Variants in PHLDB2 observed in about 807,000 individuals in gnomAD.
PHLDB2 encodes pleckstrin homology-like domain family B member 2.
PHLDB2 carries 71 observed loss-of-function variants against 123.6 expected under a neutral mutation model. The ratio of observed to expected loss-of-function variants is 0.57; its 90% CI spans 0.47 to 0.70. The LOEUF (loss-of-function observed/expected upper bound fraction) is 0.70, where lower values mean the gene tolerates loss of function less well. Ranked by LOEUF, PHLDB2 falls within the 30% of genes least tolerant of loss-of-function variation. The pLI, the probability that PHLDB2 is intolerant of heterozygous loss-of-function variation, is 0.00. For missense variants in PHLDB2, 1,446 were observed against 1,519.5 expected, an observed-to-expected ratio of 0.95 and a Z score of 0.80; for synonymous variants, 547 against 541.6, an observed-to-expected ratio of 1.01 and a Z score of -0.14.
At chr3:111,803,629 C>A (rs2061462298) in intron 1 of PHLDB2, among the ~76,000 whole-genome samples, 1 of 152,168 alleles carries the variant, frequency 6.6e-6, no homozygotes, top group Non-Finnish European at 1.5e-5. Context: ...GGGAGGAAAT[C>A]ATGGGCTTTG....
chr3:111,747,102 T>C lies in PHLDB2; in HGVS notation c.-49+14399T>C, dbSNP rs116801465. On this transcript the variant is annotated intron_variant, in intron 1 of 17. Transcript: ENST00000393923. ...AAAATATTTTAAACAAGGATGAAAT[T>C]CTACTTCACTTGATAAACTTTCAGC... Among the ~76,000 whole-genome samples, 826 of 152,298 alleles carry C rather than the reference T, an allele frequency of 5.4e-3. 11 individuals are homozygous for C. Among genetic ancestry groups the C allele is most frequent in the African/African-American group, 0.018 (769 of 41,570 alleles).
intron 1 of PHLDB2, among the ~76,000 whole-genome samples, chr3:111,789,994 A>C (rs552703813): frequency 6.6e-6 from 1 of 152,312 alleles, no homozygotes; most frequent in African/African-American, 2.4e-5. Flanking sequence ...TGGAATTCTC[A>C]TACCACAGCC....
intron 1 of PHLDB2, among the ~76,000 whole-genome samples, chr3:111,742,901 G>A (rs1432076959): frequency 6.6e-6 from 1 of 152,192 alleles, no homozygotes; most frequent in African/African-American, 2.4e-5. Flanking sequence ...TAGATTCAGA[G>A]ATGAGTAGTT....
chr3:111,973,714 A>G lies in PHLDB2; in HGVS notation c.3536-18A>G. 6.8e-7 allele frequency: 1 copy of G among 1,474,960 alleles called. No individual in the cohort carries two copies. Among genetic ancestry groups the G allele is most frequent in the South Asian group, 1.2e-5 (1 of 83,628 alleles). The allele number at this position is 1,474,960 out of a possible 1,614,324, so 91.4% of individuals were successfully genotyped here. A position where few individuals can be genotyped will look rare whatever the true frequency, so the allele number is the denominator to read the frequency against. On this transcript the variant is annotated intron_variant, in intron 16 of 17. Transcript: ENST00000431670. ...CCTCAGTGGCGATAAAGTATTTAAC[A>G]CTTATCTGTCTTTGCAGACAAGCAT...
chr3:111,934,964 T>A (rs2069381097), intron 6 of PHLDB2, among the ~76,000 whole-genome samples: 1 of 152,182 alleles, frequency 6.6e-6, no homozygotes, highest in Non-Finnish European at 1.5e-5. Flanking sequence ...TAAATTTTTT[T>A]AATCAAGACC....
At position 111,859,539 on chromosome 3, in the gene PHLDB2, T is replaced by A. The variant is rs1337725124; in HGVS notation, c.-52T>A. On this transcript the variant is annotated 5_prime_UTR_variant, in exon 1 of 18. Coordinates refer to ENST00000431670, the MANE Select transcript of PHLDB2 (RefSeq NM_001134438.2). ...GCGTGGCGCAAGGAGCGCGCCTGCC[T>A]TCTCTCGCCGCCGGGAACGGGCTGC... 4.1e-6 allele frequency: 4 copies of A among 985,408 alleles called. No individual in the cohort carries two copies. Among genetic ancestry groups the A allele is most frequent in the African/African-American group, 3.5e-5 (2 of 57,226 alleles). 61.0% of individuals were successfully genotyped at this position (985,408 alleles called of 1,614,324 possible). A position where few individuals can be genotyped will look rare whatever the true frequency, so the allele number is the denominator to read the frequency against.
chr3:111,876,425 A>T (rs1171445526), intron 1 of PHLDB2, among the ~76,000 whole-genome samples: 1 of 152,202 alleles, frequency 6.6e-6, no homozygotes, highest in East Asian at 1.9e-4. Context: ...CATTGACTAG[A>T]AGCCTTACTA....
At chr3:111,780,622 A>G (rs185078751) in intron 1 of PHLDB2, among the ~76,000 whole-genome samples, 1 of 152,122 alleles carries the variant, frequency 6.6e-6, no homozygotes, top group Admixed American at 6.6e-5. Context: ...TAAGACTAAG[A>G]CAGCATCTCA....
intron 1 of PHLDB2, among the ~76,000 whole-genome samples, chr3:111,811,137 G>A (rs779635202): frequency 2.0e-5 from 3 of 152,188 alleles, no homozygotes; most frequent in African/African-American, 4.8e-5. Context: ...TATTTCTCAG[G>A]AGGATTTAAG....
intron 1 of PHLDB2, among the ~76,000 whole-genome samples, chr3:111,750,519 C>T (rs940951891): frequency 1.3e-5 from 2 of 152,098 alleles, no homozygotes; most frequent in East Asian, 1.9e-4. Flanking sequence ...AGAAAGTTGA[C>T]GTAATCAAGA....
intron 1 of PHLDB2, among the ~76,000 whole-genome samples, chr3:111,843,036 A>G (rs1559863259): frequency 1.3e-5 from 2 of 152,162 alleles, no homozygotes; most frequent in Non-Finnish European, 1.5e-5. Flanking sequence ...ATTTTTTGCT[A>G]TTACAAATAA....
intron 1 of PHLDB2, among the ~76,000 whole-genome samples, chr3:111,747,073 G>A (rs754123578): frequency 7.2e-5 from 11 of 152,062 alleles, no homozygotes; most frequent in Non-Finnish European, 1.3e-4. Flanking sequence ...TTTAACTTCT[G>A]TGCAAAATAT....
intron 1 of PHLDB2, among the ~76,000 whole-genome samples, chr3:111,797,570 G>A (rs1338344771): frequency 6.6e-6 from 1 of 152,174 alleles, no homozygotes; most frequent in Admixed American, 6.5e-5. Context: ...AAATCCCTTG[G>A]TTCTATTTTT....
intron 1 of PHLDB2, among the ~76,000 whole-genome samples, chr3:111,777,899 C>A (rs1255210435): frequency 1.1e-5 from 1 of 89,212 alleles, no homozygotes; most frequent in Non-Finnish European, 2.2e-5. Flanking sequence ...TATTCTTCTA[C>A]ATCATTACCC....
intron 2 of PHLDB2, among the ~76,000 whole-genome samples, chr3:111,907,160 A>G (rs1284374270): frequency 6.6e-6 from 1 of 152,216 alleles, no homozygotes; most frequent in Non-Finnish European, 1.5e-5. Flanking sequence ...GTGTCTCCAC[A>G]CAAGATTTTC....
chr3:111,893,481 G>T (rs2066621935), intron 2 of PHLDB2, among the ~76,000 whole-genome samples: 1 of 152,060 alleles, frequency 6.6e-6, no homozygotes, highest in Non-Finnish European at 1.5e-5. Context: ...CTTTTGAAAG[G>T]ATCTTGAGAA....
At chr3:111,885,795 A>G in intron 2 of PHLDB2, 1 of 579,642 alleles carries the variant, frequency 1.7e-6, no homozygotes, top group Non-Finnish European at 3.0e-6. Flanking sequence ...GTGTATGGTT[A>G]TGAGAAGTAG....
intron 6 of PHLDB2, among the ~76,000 whole-genome samples, chr3:111,935,566 C>T (rs1191639218): frequency 2.6e-5 from 4 of 151,272 alleles, no homozygotes; most frequent in African/African-American, 9.7e-5. Flanking sequence ...TAAGTATTAA[C>T]TCCCAAAATC....
At chr3:111,893,099 C>CCA (rs1194359418) in intron 2 of PHLDB2, among the ~76,000 whole-genome samples, 6 of 151,900 alleles carry the variant, frequency 3.9e-5, no homozygotes, top group East Asian at 3.9e-4. Context: ...TGACCACCCC[C>CCA]CCAAAATAAG....
Sources: allele counts gnomAD v4.1 joint callset (sites outside exome capture counted in the v4.1 genomes callset), GRCh38; gene constraint gnomAD v4.1.1; transcripts MANE v1.5; gene names NCBI Gene and HGNC (gene_info 2026-07-23, HGNC 2026-07-21).